GSE1: variants seen among roughly 807,000 people sequenced by gnomAD.
The protein encoded by GSE1 is Gse1 coiled-coil protein.
A neutral mutation model predicts 112.6 loss-of-function variants in GSE1; 32 were observed. That is an observed-to-expected ratio of 0.28 (90% CI 0.21 to 0.38). The LOEUF is 0.38. Ranked by LOEUF, GSE1 falls within the 10% of genes least tolerant of loss-of-function variation. The probability of loss-of-function intolerance (pLI) is 1.00; values close to 1 mark genes in which losing one functional copy is unlikely to be tolerated. For missense variants in GSE1, 2,348 were observed against 1,699.2 expected (o/e 1.38, Z -6.71); for synonymous variants, 1,115 against 735.6 (o/e 1.52, Z -8.35).
chr16:85,191,249 G>A (rs1225543143), intron 1 of GSE1, among the ~76,000 whole-genome samples: 1 of 152,156 alleles, frequency 6.6e-6, no homozygotes, highest in African/African-American at 2.4e-5. Flanking sequence ...AACAGAGCCA[G>A]AATCCATCTC....
chr16:85,482,461 C>T (rs567904514), intron 2 of GSE1, among the ~76,000 whole-genome samples: 2 of 152,004 alleles, frequency 1.3e-5, no homozygotes, highest in South Asian at 2.1e-4. Context: ...GAGCGACCCG[C>T]GACCTGCAGC....
intron 2 of GSE1, among the ~76,000 whole-genome samples, chr16:85,646,680 C>T (rs1428970009): frequency 1.3e-5 from 2 of 152,128 alleles, no homozygotes; most frequent in East Asian, 1.9e-4. Context: ...ACCGTGTGAG[C>T]GGCACGAGGT....
intron 1 of GSE1, among the ~76,000 whole-genome samples, chr16:85,251,899 T>C (rs1229927478): frequency 6.6e-6 from 1 of 152,162 alleles, no homozygotes; most frequent in East Asian, 1.9e-4. Context: ...TGCTGTGTGC[T>C]CAGAGCCAGC....
chr16:85,196,052 A>G (rs766942335), intron 1 of GSE1, among the ~76,000 whole-genome samples: 2 of 152,218 alleles, frequency 1.3e-5, no homozygotes, highest in Non-Finnish European at 2.9e-5. Context: ...TTTCTGCTGC[A>G]AAACATGTGA....
intron 2 of GSE1, among the ~76,000 whole-genome samples, chr16:85,367,844 CT>C (rs5818532): frequency 1.5e-3 from 176 of 115,004 alleles, no homozygotes; most frequent in South Asian, 3.5e-3. Flanking sequence ...AAATAAGATT[CT>C]TTTTTTTTTT....
exon 1 of GSE1, chr16:85,170,274 C>T (rs2074338011): frequency 2.0e-6 from 2 of 985,502 alleles, no homozygotes; most frequent in Non-Finnish European, 2.4e-6. Flanking sequence ...AGCCCAAGTC[C>T]GGGGTTAGGC....
chr16:85,270,978 G>A (rs976476899), intron 1 of GSE1, among the ~76,000 whole-genome samples: 25 of 152,100 alleles, frequency 1.6e-4, no homozygotes, highest in African/African-American at 5.3e-4. Flanking sequence ...TTCTTTACTG[G>A]TGCTAATCTC....
chr16:85,496,617 C>G (rs1056852107), intron 2 of GSE1, among the ~76,000 whole-genome samples: 3 of 152,250 alleles, frequency 2.0e-5, no homozygotes, highest in African/African-American at 7.2e-5. Context: ...TGGGGAGAAA[C>G]TGACTTGTTT....
At chr16:85,331,765 C>G (rs752807539) in intron 1 of GSE1, among the ~76,000 whole-genome samples, 1 of 138,906 alleles carries the variant, frequency 7.2e-6, no homozygotes, top group African/African-American at 2.7e-5. Context: ...CCAGGCTGGT[C>G]TCAAACTCCT....
At chr16:85,612,891 C>T (rs2048085423), upstream of GSE1, among the ~76,000 whole-genome samples, 1 of 151,806 alleles carries the variant, frequency 6.6e-6, no homozygotes, top group African/African-American at 2.4e-5. Context: ...CAGGGCTCCG[C>T]TCACGTGGCG....
intron 2 of GSE1, among the ~76,000 whole-genome samples, chr16:85,391,887 C>T (rs527757818): frequency 1.4e-4 from 21 of 152,142 alleles, no homozygotes; most frequent in Non-Finnish European, 2.2e-4. Flanking sequence ...AACGTGTTCC[C>T]GGGCTGCCCT....
intron 2 of GSE1, among the ~76,000 whole-genome samples, chr16:85,537,711 C>G (rs1039712789): frequency 1.3e-5 from 2 of 152,214 alleles, no homozygotes; most frequent in Non-Finnish European, 2.9e-5. Context: ...CATAGCTGAT[C>G]CCATGGTGAA....
chr16:85,607,203 G>A (rs1181077728), upstream of GSE1, among the ~76,000 whole-genome samples: 1 of 152,132 alleles, frequency 6.6e-6, no homozygotes, highest in Non-Finnish European at 1.5e-5. Flanking sequence ...GTCATAGAGT[G>A]GGTGCCTCTC....
chr16:85,532,789 C>T (rs1016739381), intron 2 of GSE1, among the ~76,000 whole-genome samples: 9 of 152,210 alleles, frequency 5.9e-5, no homozygotes, highest in Non-Finnish European at 8.8e-5. Flanking sequence ...TTTGGAGTCA[C>T]GCCTGTTCTT....
intron 1 of GSE1, among the ~76,000 whole-genome samples, chr16:85,224,325 AAAAAAAG>A (rs1597838816): frequency 6.8e-4 from 94 of 137,332 alleles, no homozygotes; most frequent in Admixed American, 3.8e-3. Context: ...AAAAAAAAAA[AAAAAAAG>A]GGAACACACA....
At chr16:85,312,914 C>T (rs989262185) in intron 1 of GSE1, among the ~76,000 whole-genome samples, 10 of 152,152 alleles carry the variant, frequency 6.6e-5, no homozygotes, top group African/African-American at 2.2e-4. Flanking sequence ...TGAATGGCCT[C>T]CTGGGCAGGT....
chr16:85,426,654 G>T (rs1368555557), intron 2 of GSE1, among the ~76,000 whole-genome samples: 1 of 150,452 alleles, frequency 6.6e-6, no homozygotes, highest in Non-Finnish European at 1.5e-5. Context: ...TGGGTGGATG[G>T]GTGAATGGAA....
intron 2 of GSE1, among the ~76,000 whole-genome samples, chr16:85,498,009 G>A (rs879763252): frequency 5.9e-5 from 9 of 152,100 alleles, no homozygotes; most frequent in African/African-American, 1.7e-4. Flanking sequence ...CCTGACCACC[G>A]TGCCTGTGTG....
chr16:85,586,437 G>A (rs117203064), intron 1 of GSE1, among the ~76,000 whole-genome samples: 3,663 of 152,202 alleles, frequency 0.024, 73 homozygotes, highest in Non-Finnish European at 0.038. Flanking sequence ...CTCTGATCTC[G>A]CCTTCCCATG....
Sources: allele counts gnomAD v4.1 joint callset (sites outside exome capture counted in the v4.1 genomes callset), GRCh38; gene constraint gnomAD v4.1.1; transcripts MANE v1.5; gene names NCBI Gene and HGNC (gene_info 2026-07-23, HGNC 2026-07-21).